Variants in AKAP7 observed in about 807,000 individuals in gnomAD.
AKAP7 encodes A-kinase anchoring protein 7.
In AKAP7, 39 loss-of-function variants were observed where a neutral mutation model predicts 39.5. That is an observed-to-expected ratio of 0.99 (90% CI 0.76 to 1.29). The LOEUF (loss-of-function observed/expected upper bound fraction) is 1.29, where lower values mean the gene tolerates loss of function less well. Among genes scored for constraint, AKAP7 ranks in the 50% most tolerant of loss-of-function variants. AKAP7 has a pLI of 0.00. For synonymous variants in AKAP7, 140 were observed against 139.1 expected, an observed-to-expected ratio of 1.01 and a Z score of -0.05; for missense variants, 414 against 407.7, an observed-to-expected ratio of 1.02 and a Z score of -0.13.
chr6:131,209,040 C>T (rs1365910945), intron 6 of AKAP7, among the ~76,000 whole-genome samples: 3 of 152,180 alleles, frequency 2.0e-5, no homozygotes, highest in Non-Finnish European at 4.4e-5. Context: ...ATATTTTGAA[C>T]AGTTGTATAG....
At chr6:131,148,207 G>A (rs561203829) in intron 2 of AKAP7, among the ~76,000 whole-genome samples, 1 of 152,146 alleles carries the variant, frequency 6.6e-6, no homozygotes, top group Admixed American at 6.5e-5. Flanking sequence ...AGGGGCTCAG[G>A]CCAGTCCACA....
At chr6:131,215,149 TA>T (rs1258597930) in intron 6 of AKAP7, among the ~76,000 whole-genome samples, 1 of 152,212 alleles carries the variant, frequency 6.6e-6, no homozygotes, top group Non-Finnish European at 1.5e-5. Flanking sequence ...TTGGGCCATA[TA>T]AAGTACTGTT....
chr6:131,170,871 G>T (rs923754065), intron 5 of AKAP7, among the ~76,000 whole-genome samples: 4 of 152,196 alleles, frequency 2.6e-5, no homozygotes, highest in Admixed American at 2.0e-4. Flanking sequence ...TATCCATTCA[G>T]ATGTATCAGA....
rs113971691 is a variant in AKAP7, at chr6:131,174,556, A to G, written c.589+5283A>G. On this transcript the variant is annotated intron_variant, in intron 5 of 7. Coordinates refer to ENST00000431975, the MANE Select transcript of AKAP7 (RefSeq NM_016377.4). ...TACAGTGAGCCATGATTGTGCCACT[A>G]CACTCTAGCCTGGGCAATGGAGTGA... is the stretch of plus-strand genomic sequence containing the variant. 2.9e-3 allele frequency among the ~76,000 whole-genome samples: 443 copies of G among 152,332 alleles called. 2 individuals carry two copies. Among genetic ancestry groups the G allele is most frequent in the African/African-American group, 8.9e-3 (369 of 41,582 alleles).
intron 3 of AKAP7, among the ~76,000 whole-genome samples, chr6:131,163,797 C>T (rs1803216176): frequency 6.6e-6 from 1 of 152,032 alleles, no homozygotes; most frequent in African/African-American, 2.4e-5. Flanking sequence ...GATGGGGGTA[C>T]AGTAAATCCT....
At chr6:131,173,928 A>G (rs1188875867) in intron 5 of AKAP7, among the ~76,000 whole-genome samples, 2 of 152,222 alleles carry the variant, frequency 1.3e-5, no homozygotes, top group Non-Finnish European at 2.9e-5. Flanking sequence ...GCATTTTCCA[A>G]TATTGATGAA....
At chr6:131,133,671 C>T (rs2128220485), upstream of AKAP7, among the ~76,000 whole-genome samples, 1 of 152,214 alleles carries the variant, frequency 6.6e-6, no homozygotes, top group South Asian at 2.1e-4. Flanking sequence ...TTTCTCCTGC[C>T]CATTTAGTTC....
intron 2 of AKAP7, among the ~76,000 whole-genome samples, chr6:131,155,188 A>T (rs1802314625): frequency 6.6e-6 from 1 of 151,954 alleles, no homozygotes; most frequent in African/African-American, 2.4e-5. Flanking sequence ...TAATTTCTAA[A>T]TTTTTTGTAG....
At chr6:131,241,626 T>TGTGTATATAC in intron 7 of AKAP7, among the ~76,000 whole-genome samples, 1 of 135,740 alleles carries the variant, frequency 7.4e-6, no homozygotes, top group African/African-American at 3.2e-5. Context: ...TGTGTGTGTG[T>TGTGTATATAC]GTATATATAT....
At chr6:131,131,260 G>A (rs927845243), upstream of AKAP7, among the ~76,000 whole-genome samples, 3 of 152,168 alleles carry the variant, frequency 2.0e-5, no homozygotes, top group Non-Finnish European at 4.4e-5. Flanking sequence ...CACTGGGGAG[G>A]TCAGATAAGC....
At chr6:131,155,408 C>T (rs1802330752) in intron 2 of AKAP7, among the ~76,000 whole-genome samples, 1 of 152,186 alleles carries the variant, frequency 6.6e-6, no homozygotes, top group South Asian at 2.1e-4. Context: ...TGATCAGTGG[C>T]TTCAGGTCTT....
At chr6:131,245,741 T>G (rs1811951450) in intron 7 of AKAP7, among the ~76,000 whole-genome samples, 1 of 152,188 alleles carries the variant, frequency 6.6e-6, no homozygotes, top group South Asian at 2.1e-4. Flanking sequence ...GAAATCTTTC[T>G]AAATTGTCTC....
intron 6 of AKAP7, among the ~76,000 whole-genome samples, chr6:131,204,029 A>G (rs898640866): frequency 1.3e-5 from 2 of 152,318 alleles, no homozygotes; most frequent in South Asian, 2.1e-4. Context: ...ACCGTGGTGT[A>G]TGAGAAGAAC....
At chr6:131,201,674 A>G (rs1807580880) in intron 6 of AKAP7, among the ~76,000 whole-genome samples, 1 of 152,124 alleles carries the variant, frequency 6.6e-6, no homozygotes, top group Non-Finnish European at 1.5e-5. Context: ...GCCCATGCCT[A>G]TGTCCTGAAT....
chr6:131,131,767 G>A (rs1800334862), upstream of AKAP7, among the ~76,000 whole-genome samples: 1 of 152,044 alleles, frequency 6.6e-6, no homozygotes, highest in African/African-American at 2.4e-5. Flanking sequence ...TGGGGTCAGG[G>A]ACTGTTCCCC....
At chr6:131,186,176 C>G (rs1805838228) in intron 5 of AKAP7, among the ~76,000 whole-genome samples, 1 of 152,150 alleles carries the variant, frequency 6.6e-6, no homozygotes, top group South Asian at 2.1e-4. Context: ...TCATCATCCT[C>G]TTGGTACCAT....
intron 4 of AKAP7, among the ~76,000 whole-genome samples, chr6:131,168,067 C>CA (rs1020186649): frequency 6.6e-6 from 1 of 152,002 alleles, no homozygotes; most frequent in Non-Finnish European, 1.5e-5. Flanking sequence ...TTCCAAATAT[C>CA]AAAAATCTCG....
At chr6:131,184,538 C>G in intron 5 of AKAP7, 1 of 714,034 alleles carries the variant, frequency 1.4e-6, no homozygotes, top group Non-Finnish European at 2.6e-6. Context: ...GCATTGCCAG[C>G]AGTATGTCTT....
At chr6:131,169,417 T>A in intron 5 of AKAP7, 144 bp downstream of exon 5, 2 of 919,470 alleles carry the variant, frequency 2.2e-6, no homozygotes, top group Non-Finnish European at 3.3e-6. Context: ...CAATCATAAG[T>A]CTGAAGGATT....
Sources: allele counts gnomAD v4.1 joint callset (sites outside exome capture counted in the v4.1 genomes callset), GRCh38; gene constraint gnomAD v4.1.1; transcripts MANE v1.5; gene names NCBI Gene and HGNC (gene_info 2026-07-23, HGNC 2026-07-21).